WDR70: variants seen among roughly 807,000 people sequenced by gnomAD.
The protein encoded by WDR70 is WD repeat domain 70.
A neutral mutation model predicts 88.6 loss-of-function variants in WDR70; 53 were observed. The observed-to-expected ratio is 0.60, with a 90% CI of 0.48 to 0.75. WDR70 has a LOEUF of 0.75. WDR70 is among the 30% of genes least tolerant of loss of function. The probability of loss-of-function intolerance (pLI) is 0.00; values close to 1 mark genes in which losing one functional copy is unlikely to be tolerated. For synonymous variants in WDR70, 280 were observed against 270.0 expected, an observed-to-expected ratio of 1.04 and a Z score of -0.36; for missense variants, 610 against 823.2, an observed-to-expected ratio of 0.74 and a Z score of 3.17.
intron 7 of WDR70, among the ~76,000 whole-genome samples, chr5:37,459,496 C>T (rs1296104589): frequency 8.5e-6 from 1 of 117,798 alleles, no homozygotes; most frequent in Non-Finnish European, 1.8e-5. Context: ...ATGTAGAAAG[C>T]TGAAACTGGA....
intron 5 of WDR70, among the ~76,000 whole-genome samples, chr5:37,405,889 A>G (rs375779443): frequency 2.0e-5 from 3 of 152,138 alleles, no homozygotes; most frequent in Non-Finnish European, 1.5e-5. Context: ...TCCACAAAAA[A>G]TAAAAAAGCC....
intron 10 of WDR70, among the ~76,000 whole-genome samples, chr5:37,695,353 C>G (rs1291066039): frequency 6.6e-6 from 1 of 152,176 alleles, no homozygotes. Context: ...GGTGGGGACA[C>G]AGATCCAAAC....
intron 8 of WDR70, among the ~76,000 whole-genome samples, chr5:37,515,908 C>T (rs983027402): frequency 1.3e-5 from 2 of 152,152 alleles, no homozygotes; most frequent in East Asian, 3.8e-4. Context: ...TGTCAGTTTA[C>T]GTATATCAGC....
chr5:37,639,232 C>T (rs2112538881), intron 10 of WDR70, among the ~76,000 whole-genome samples: 1 of 152,240 alleles, frequency 6.6e-6, no homozygotes, highest in African/African-American at 2.4e-5. Context: ...CAATTTTACA[C>T]ATTCTGATCA....
chr5:37,721,193 T>C lies in WDR70; in HGVS notation c.1495T>C (p.Tyr499His). ...GTGNGLAKVY[Y>H]DPNKSQRGAK... The stretch of plus-strand genomic sequence containing the variant: ...TGGAAATGGATTGGCTAAAGTCTAT[T>C]ACGACCCCAACAAGAGTCAGAGGTA... The change falls in exon 14 of 18, where the codon TAC (tyrosine) becomes CAC (histidine). Residue 499 changes from tyrosine to histidine, a missense_variant. This residue lies in a region of WDR70 where 254 missense variants were observed against 300.7 expected (regional missense o/e 0.84). Coordinates refer to ENST00000265107, the MANE Select transcript of WDR70 (RefSeq NM_018034.4). The C allele has an allele frequency of 6.2e-7, 1 of 1,613,680 alleles. No individual in the cohort carries two copies. The highest frequency in any genetic ancestry group is 8.5e-7 in the Non-Finnish European group (1 of 1,179,690).
intron 6 of WDR70, among the ~76,000 whole-genome samples, chr5:37,442,805 C>T (rs1750697070): frequency 1.3e-5 from 2 of 152,196 alleles, no homozygotes; most frequent in African/African-American, 2.4e-5. Flanking sequence ...TGGTGTTACT[C>T]ATTTTGGTAA....
At chr5:37,655,401 A>C (rs1052830609) in intron 10 of WDR70, among the ~76,000 whole-genome samples, 1 of 152,046 alleles carries the variant, frequency 6.6e-6, no homozygotes, top group African/African-American at 2.4e-5. Flanking sequence ...ACCTTGGTGA[A>C]TCTAACGATT....
intron 9 of WDR70, among the ~76,000 whole-genome samples, chr5:37,541,093 T>C (rs1741802793): frequency 6.6e-6 from 1 of 152,128 alleles, no homozygotes; most frequent in African/African-American, 2.4e-5. Flanking sequence ...TACCACAGAG[T>C]TAATTGCCTC....
At chr5:37,625,242 G>T (rs540881070) in intron 10 of WDR70, among the ~76,000 whole-genome samples, 16 of 152,252 alleles carry the variant, frequency 1.1e-4, no homozygotes, top group African/African-American at 3.1e-4. Flanking sequence ...TCCATTTGTA[G>T]TTTTTTGAGG....
chr5:37,456,409 T>A (rs1422232900), intron 7 of WDR70, among the ~76,000 whole-genome samples: 1 of 152,234 alleles, frequency 6.6e-6, no homozygotes, highest in Non-Finnish European at 1.5e-5. Context: ...TCGCCCATTT[T>A]AAGAACTGGG....
At chr5:37,638,586 A>T (rs1745031220) in intron 10 of WDR70, among the ~76,000 whole-genome samples, 1 of 152,164 alleles carries the variant, frequency 6.6e-6, no homozygotes, top group Non-Finnish European at 1.5e-5. Flanking sequence ...TTAGAAGTTT[A>T]TATGTTTGTT....
chr5:37,670,332 A>G (rs553128547), intron 10 of WDR70, among the ~76,000 whole-genome samples: 1 of 152,272 alleles, frequency 6.6e-6, no homozygotes, highest in South Asian at 2.1e-4. Flanking sequence ...TGCAAAGCAT[A>G]CTCAGTGACA....
intron 9 of WDR70, among the ~76,000 whole-genome samples, chr5:37,550,376 T>G (rs1413485500): frequency 6.6e-6 from 1 of 152,236 alleles, no homozygotes; most frequent in Non-Finnish European, 1.5e-5. Flanking sequence ...GTTTTAAGAC[T>G]TGTTTTGTGA....
intron 9 of WDR70, among the ~76,000 whole-genome samples, chr5:37,563,786 G>A (rs1198086076): frequency 7.6e-6 from 1 of 132,048 alleles, no homozygotes; most frequent in Non-Finnish European, 1.7e-5. Flanking sequence ...GCTGCCGGGC[G>A]GAGGGGCTCC....
intron 10 of WDR70, among the ~76,000 whole-genome samples, chr5:37,695,471 G>A (rs28639546): frequency 1.7e-3 from 256 of 152,264 alleles, no homozygotes; most frequent in African/African-American, 5.8e-3. Flanking sequence ...CTGGCACAGC[G>A]TGGCTGGATT....
chr5:37,694,812 T>C (rs1406168836), intron 10 of WDR70, among the ~76,000 whole-genome samples: 1 of 151,272 alleles, frequency 6.6e-6, no homozygotes, highest in Non-Finnish European at 1.5e-5. Flanking sequence ...AACCTGCATA[T>C]TGTGCACATG....
chr5:37,711,346 C>T (rs545710940), intron 13 of WDR70, among the ~76,000 whole-genome samples: 2 of 152,172 alleles, frequency 1.3e-5, no homozygotes, highest in African/African-American at 4.8e-5. Flanking sequence ...CTGCACACTA[C>T]GACGTAACTC....
At chr5:37,408,898 A>T (rs1749437206) in intron 5 of WDR70, among the ~76,000 whole-genome samples, 1 of 151,986 alleles carries the variant, frequency 6.6e-6, no homozygotes, top group Admixed American at 6.6e-5. Context: ...CAATCTTTAA[A>T]CTCTTAAGAT....
Position 37,518,791 on chromosome 5 carries a change from C to T in WDR70, c.917+2201C>T, listed in dbSNP as rs180865012. On this transcript the variant is annotated intron_variant, in intron 9 of 17. Transcript: ENST00000265107. Reference sequence around the variant, plus strand: ...TGGAGAGAAGGTCAGCAGATAAACACGTGAACAAAGTTCTCTGGTTTTCCT... The same window carrying T: ...TGGAGAGAAGGTCAGCAGATAAACATGTGAACAAAGTTCTCTGGTTTTCCT... 3.5e-3 allele frequency among the ~76,000 whole-genome samples: 521 copies of T among 151,014 alleles called. 7 individuals carry two copies. The highest frequency in any genetic ancestry group is 5.2e-3 in the Non-Finnish European group (356 of 67,900).
Sources: allele counts gnomAD v4.1 joint callset (sites outside exome capture counted in the v4.1 genomes callset), GRCh38; gene constraint gnomAD v4.1.1; regional missense constraint gnomAD v4.1.1; transcripts MANE v1.5; gene names NCBI Gene and HGNC (gene_info 2026-07-23, HGNC 2026-07-21).